The following TMCO6 variants were observed in gnomAD, a reference collection of about 807,000 sequenced individuals.
TMCO6 encodes transmembrane and coiled-coil domain-containing protein 6.
Under a neutral mutation model 61.8 loss-of-function variants are expected in TMCO6, and 47 were observed. The ratio of observed to expected loss-of-function variants is 0.76; its 90% CI spans 0.60 to 0.97. The LOEUF is 0.97. Among genes scored for constraint, TMCO6 ranks in the 50% least tolerant of loss-of-function variants. The pLI is 0.00. For synonymous variants in TMCO6, 261 were observed against 254.2 expected (o/e 1.03, Z -0.25); for missense variants, 557 against 601.6 (o/e 0.93, Z 0.78).
At chr5:140,641,557 GT>G (rs1282063748) in intron 2 of TMCO6, 107 bp from the exon 3 acceptor site, 2 of 857,032 alleles carry the variant, frequency 2.3e-6, no homozygotes, top group Non-Finnish European at 3.7e-6. Context: ...TGAATGACAA[GT>G]TCTGAAGGTG....
chr5:140,632,521 C>A, the TMCO6 span: 1 of 1,614,194 alleles, frequency 6.2e-7, no homozygotes, highest in African/African-American at 1.3e-5. The surrounding 1 kb of genome is among the most constrained non-coding windows in gnomAD (Gnocchi z 6.2). Flanking sequence ...CGCCCTGTCG[C>A]CCACGACACG....
At chr5:140,626,423 C>T in the TMCO6 span, among the ~76,000 whole-genome samples, 1 of 152,018 alleles carries the variant, frequency 6.6e-6, no homozygotes, top group Non-Finnish European at 1.5e-5. Flanking sequence ...TTTTTTAAGA[C>T]AGAATCTCAC....
the TMCO6 span, among the ~76,000 whole-genome samples, chr5:140,607,791 C>CTTT: frequency 4.3e-5 from 6 of 138,052 alleles, no homozygotes; most frequent in African/African-American, 5.4e-5. Context: ...TTTCTATTTT[C>CTTT]TTTTTTTTTT....
At chr5:140,623,007 C>T in the TMCO6 span, among the ~76,000 whole-genome samples, 2 of 152,168 alleles carry the variant, frequency 1.3e-5, no homozygotes, top group Non-Finnish European at 2.9e-5. Context: ...CATGAGCCAC[C>T]ATGTCTGGCT....
rs754619045 is a variant in TMCO6 at position 140,644,981 on chromosome 5, C to G, written c.1369-4C>G. On this transcript the variant is annotated splice_region_variant and splice_polypyrimidine_tract_variant and intron_variant, in intron 11 of 11. Coordinates refer to ENST00000394671, the MANE Select transcript of TMCO6 (RefSeq NM_018502.5). ...GTGTGTTGAATTTTCTTCCCTGCCC[C>G]TAGGCTGTTCAGGTCTTCCTGCAGC... 2.2e-5 allele frequency: 36 copies of G among 1,613,942 alleles called. No individual in the cohort carries two copies. Among genetic ancestry groups the G allele is most frequent in the Non-Finnish European group, 3.0e-5 (35 of 1,179,946 alleles).
At chr5:140,605,928 T>A in the TMCO6 span, among the ~76,000 whole-genome samples, 1 of 152,172 alleles carries the variant, frequency 6.6e-6, no homozygotes, top group Non-Finnish European at 1.5e-5. Flanking sequence ...GTTTTGGCAA[T>A]AAGTGTGTCC....
upstream of TMCO6, among the ~76,000 whole-genome samples, chr5:140,637,922 C>A (rs1391685005): frequency 6.6e-6 from 1 of 151,776 alleles, no homozygotes; most frequent in African/African-American, 2.4e-5. Flanking sequence ...CTTTCCCCCT[C>A]CCCTCTCTTC....
downstream of TMCO6, chr5:140,647,692 G>T: frequency 1.4e-6 from 2 of 1,431,490 alleles, no homozygotes; most frequent in East Asian, 2.4e-5. Context: ...GCAGGGGCGG[G>T]GTAAAGCTTG....
the TMCO6 span, among the ~76,000 whole-genome samples, chr5:140,624,467 T>C: frequency 2.6e-5 from 4 of 152,152 alleles, no homozygotes; most frequent in Non-Finnish European, 5.9e-5. Context: ...TTTTAGAACA[T>C]TTTTATCACC....
At chr5:140,638,483 C>T (rs1756831874), upstream of TMCO6, among the ~76,000 whole-genome samples, 1 of 151,346 alleles carries the variant, frequency 6.6e-6, no homozygotes, top group Admixed American at 6.6e-5. Context: ...GGGGGGAGTA[C>T]TATGAATTAA....
the TMCO6 span, among the ~76,000 whole-genome samples, chr5:140,613,884 G>GTT: frequency 2.7e-5 from 4 of 149,164 alleles, no homozygotes; most frequent in Admixed American, 6.7e-5. Context: ...ATCTCTCATC[G>GTT]TTTTTTTTTG....
chr5:140,610,367 CAG>C, the TMCO6 span, among the ~76,000 whole-genome samples: 6 of 151,996 alleles, frequency 3.9e-5, no homozygotes, highest in East Asian at 7.8e-4. Flanking sequence ...AACAAACAAA[CAG>C]AAAGTTTTAG....
chr5:140,604,782 T>C, the TMCO6 span, among the ~76,000 whole-genome samples: 10 of 131,582 alleles, frequency 7.6e-5, no homozygotes, highest in Admixed American at 5.0e-4. Context: ...TCATTTCTCT[T>C]TTTTTTTTTT....
In TMCO6 at chr5:140,645,093, G is replaced by T; in HGVS notation, c.1477G>T (p.Gly493Trp). The T allele has an allele frequency of 6.2e-7, 1 of 1,614,034 alleles. No homozygotes were observed. Among genetic ancestry groups the T allele is most frequent in the Non-Finnish European group, 8.5e-7 (1 of 1,179,924 alleles). ...VYALQQTALQ[G>W] ...TGCTCTCCAGCAGACAGCTCTTCAA[G>T]GGTGATCTTGTTTCTCAATGTCACT... The change falls in exon 12 of 12, where the codon GGG becomes TGG. Residue 493 changes from glycine to tryptophan, a missense_variant. Physicochemically the swap from Gly to Trp is radical, Grantham distance 184. Transcript: ENST00000394671.
rs1757252722 is a variant in TMCO6, at chr5:140,644,323, A to G, written c.1200+129A>G. 7.5e-6 allele frequency: 8 copies of G among 1,069,380 alleles called. 1 individual carries two copies. The highest frequency in any genetic ancestry group is 1.4e-5 in the South Asian group (1 of 73,438). 66.2% of individuals were successfully genotyped at this position (1,069,380 alleles called of 1,614,324 possible). A position where few individuals can be genotyped will look rare whatever the true frequency, so the allele number is the denominator to read the frequency against. On this transcript the variant is annotated intron_variant, in intron 10 of 11. Coordinates refer to ENST00000394671, the MANE Select transcript of TMCO6 (RefSeq NM_018502.5). ...GGTGTGTGGCCTCAGGGCCCAACCA[A>G]TCTAGGTGTGTGTCCCTTAAACTGG...
the TMCO6 span, among the ~76,000 whole-genome samples, chr5:140,599,982 C>T: frequency 6.6e-6 from 1 of 151,954 alleles, no homozygotes; most frequent in African/African-American, 2.4e-5. Flanking sequence ...GTTCAAAAGT[C>T]AATTCTAGGG....
chr5:140,646,996 A>G, downstream of TMCO6: 1 of 430,526 alleles, frequency 2.3e-6, no homozygotes, highest in Non-Finnish European at 4.1e-6. Flanking sequence ...TCCTGTCTGA[A>G]GCCCATTCTT....
At chr5:140,603,956 A>G in the TMCO6 span, among the ~76,000 whole-genome samples, 1 of 152,190 alleles carries the variant, frequency 6.6e-6, no homozygotes, top group Admixed American at 6.5e-5. Context: ...CTTTCCCAAT[A>G]GCAAGGTATG....
At position 140,642,416 on chromosome 5, in the gene TMCO6, C is replaced by T; in HGVS notation, c.600C>T (p.Ile200=). 3 of 1,612,234 alleles carry T rather than the reference C, an allele frequency of 1.9e-6. No homozygotes were observed. Among genetic ancestry groups the T allele is most frequent in the South Asian group, 2.2e-5 (2 of 90,676 alleles). ...QGIVPALAAC[I]QSPHVAVLEA... ...TTGTTCCAGCCTTGGCTGCCTGCAT[C>T]CAGGTGACTCCTTTCTTCCTCCCTG... The change falls in exon 5 of 12, where the codon ATC becomes ATT. Residue 200 remains isoleucine, a synonymous_variant. Transcript: ENST00000394671.
Sources: gnomAD v4.1 joint callset for allele counts (sites outside exome capture counted in the v4.1 genomes callset) on GRCh38, gnomAD v4.1.1 for gene constraint, Gnocchi (gnomAD v3.1) non-coding constraint, MANE v1.5 for transcripts, NCBI Gene and HGNC (gene_info 2026-07-23, HGNC 2026-07-21) for gene names.